Variants in UBE2L3 observed in about 807,000 individuals in gnomAD.
The protein encoded by UBE2L3 is ubiquitin-conjugating enzyme E2 L3.
Under a neutral mutation model 17.8 loss-of-function variants are expected in UBE2L3, and 1 was observed. That is an observed-to-expected ratio of 0.06 (90% confidence interval 0.02 to 0.27). UBE2L3 has a LOEUF of 0.27. UBE2L3 is among the 10% of genes least tolerant of loss of function. The probability of loss-of-function intolerance (pLI) is 1.00; values close to 1 mark genes in which losing one functional copy is unlikely to be tolerated. For missense variants in UBE2L3, 40 were observed against 192.6 expected, an observed-to-expected ratio of 0.21 and a Z score of 4.69; for synonymous variants, 44 against 68.5, an observed-to-expected ratio of 0.64 and a Z score of 1.76.
At chr22:21,604,348 A>T (rs1181213784) in intron 2 of UBE2L3, among the ~76,000 whole-genome samples, 1 of 152,046 alleles carries the variant, frequency 6.6e-6, no homozygotes, top group African/African-American at 2.4e-5. Flanking sequence ...AAATACAAAA[A>T]ATTAGCCGGA....
chr22:21,610,816 T>G, intron 2 of UBE2L3, 41 bp from the exon 3 acceptor site: 1 of 1,528,958 alleles, frequency 6.5e-7, no homozygotes, highest in Non-Finnish European at 8.8e-7. Context: ...CATAGGTTTA[T>G]GAACCATGGT....
At chr22:21,608,902 GTTTTTTTTTT>G (rs1929321892) in intron 2 of UBE2L3, among the ~76,000 whole-genome samples, 1 of 146,206 alleles carries the variant, frequency 6.8e-6, no homozygotes, top group Admixed American at 6.9e-5. Context: ...GTTTTGTTTT[GTTTTTTTTTT>G]GAGACTCAGT....
chr22:21,562,070 G>C (rs926424929), intron 1 of UBE2L3, among the ~76,000 whole-genome samples: 10 of 151,882 alleles, frequency 6.6e-5, no homozygotes, highest in African/African-American at 2.4e-4. Context: ...CAGCTTCTGC[G>C]AGGCCCCTCC....
chr22:21,610,391 A>C (rs372089194), intron 2 of UBE2L3, among the ~76,000 whole-genome samples: 3 of 152,232 alleles, frequency 2.0e-5, no homozygotes, highest in African/African-American at 4.8e-5. Flanking sequence ...AAACCTATAG[A>C]ATGTGCAACA....
Position 21,623,681 on chromosome 22 carries a change from C to T in UBE2L3, c.*2012C>T, listed in dbSNP as rs1218053467. On this transcript the variant is annotated 3_prime_UTR_variant, in exon 4 of 4. Coordinates refer to ENST00000342192, the MANE Select transcript of UBE2L3 (RefSeq NM_003347.4). ...GGACTCTCAGCCCTGGCACTGGCACCCCAGGGTTGGCCCCGTCAGCAGAGG... is the reference window on the plus strand; with the variant it reads ...GGACTCTCAGCCCTGGCACTGGCACTCCAGGGTTGGCCCCGTCAGCAGAGG... 6.5e-6 allele frequency: 1 copy of T among 152,934 alleles called. No homozygotes were observed. The highest frequency in any genetic ancestry group is 6.5e-5 in the Admixed American group (1 of 15,292). 9.5% of individuals were successfully genotyped at this position (152,934 alleles called of 1,614,324 possible). A position where few individuals can be genotyped will look rare whatever the true frequency, so the allele number is the denominator to read the frequency against.
At chr22:21,618,582 T>A (rs79791452) in intron 3 of UBE2L3, among the ~76,000 whole-genome samples, 4,240 of 150,558 alleles carry the variant, frequency 0.028, 204 homozygotes, top group African/African-American at 0.096. Context: ...TCTCAAAAAA[T>A]ATATATATAT....
intron 1 of UBE2L3, among the ~76,000 whole-genome samples, chr22:21,552,891 T>A (rs1220642555): frequency 8.4e-4 from 112 of 133,240 alleles, no homozygotes; most frequent in African/African-American, 3.3e-3. Flanking sequence ...GCCTGGCTAA[T>A]TTTTTTTGTA....
intron 1 of UBE2L3, among the ~76,000 whole-genome samples, chr22:21,583,013 A>G (rs552828526): frequency 7.2e-5 from 11 of 152,282 alleles, no homozygotes; most frequent in Admixed American, 1.3e-4. Context: ...GCCTCTCTGC[A>G]TAGGGGTATT....
At chr22:21,586,773 G>C (rs964995264) in intron 1 of UBE2L3, among the ~76,000 whole-genome samples, 1 of 151,132 alleles carries the variant, frequency 6.6e-6, no homozygotes, top group African/African-American at 2.4e-5. Flanking sequence ...TTACCATGTC[G>C]GCCAGGCTGC....
At chr22:21,569,721 A>G (rs919615818) in intron 1 of UBE2L3, among the ~76,000 whole-genome samples, 5 of 152,116 alleles carry the variant, frequency 3.3e-5, no homozygotes, top group African/African-American at 1.2e-4. Flanking sequence ...ACCTAATCAC[A>G]GTAGCTACTA....
intron 1 of UBE2L3, among the ~76,000 whole-genome samples, chr22:21,551,992 T>TACACACACACAC (rs750566572): frequency 1.0e-5 from 1 of 99,770 alleles, no homozygotes; most frequent in African/African-American, 4.6e-5. Flanking sequence ...ACTGAAGAAA[T>TACACACACACAC]ACACACACAC....
At chr22:21,601,757 G>A (rs1253005996) in intron 2 of UBE2L3, among the ~76,000 whole-genome samples, 1 of 151,500 alleles carries the variant, frequency 6.6e-6, no homozygotes, top group Non-Finnish European at 1.5e-5. Context: ...GGGTCACGAG[G>A]TCAGGAGATC....
chr22:21,593,270 C>A (rs1431431227), intron 2 of UBE2L3, among the ~76,000 whole-genome samples: 1 of 152,146 alleles, frequency 6.6e-6, no homozygotes, highest in Non-Finnish European at 1.5e-5. Flanking sequence ...ATCAGCAGGA[C>A]CTTCTTCTCT....
chr22:21,568,226 C>T (rs1307556471), intron 1 of UBE2L3: 7 of 988,948 alleles, frequency 7.1e-6, no homozygotes, highest in Non-Finnish European at 8.4e-6. Context: ...CTCCGCTTGG[C>T]CCGGCCGCAG....
chr22:21,601,175 AAATC>A (rs764614092), intron 2 of UBE2L3, among the ~76,000 whole-genome samples: 25 of 152,228 alleles, frequency 1.6e-4, no homozygotes, highest in East Asian at 1.6e-3. Flanking sequence ...TTTCAAAGAA[AAATC>A]AATCAATCAA....
upstream of UBE2L3, among the ~76,000 whole-genome samples, chr22:21,566,012 G>A (rs1487085805): frequency 2.9e-5 from 4 of 137,734 alleles, no homozygotes; most frequent in East Asian, 2.2e-4. Flanking sequence ...TCACTCTGTC[G>A]CCCAGGCTGG....
intron 2 of UBE2L3, among the ~76,000 whole-genome samples, chr22:21,605,853 G>T (rs1301367682): frequency 3.3e-5 from 5 of 151,818 alleles, no homozygotes; most frequent in Non-Finnish European, 5.9e-5. Flanking sequence ...ACCCAGGCTA[G>T]AGTGTAGAGG....
At chr22:21,566,278 G>A (rs1926632690), upstream of UBE2L3, among the ~76,000 whole-genome samples, 1 of 150,210 alleles carries the variant, frequency 6.7e-6, no homozygotes, top group Non-Finnish European at 1.5e-5. Flanking sequence ...AAGCCCCAAA[G>A]TACTCTTTAA....
At position 21,590,487 on chromosome 22, in the gene UBE2L3, C is replaced by T. The variant is rs145870304; in HGVS notation, c.28-2374C>T. Among the ~76,000 whole-genome samples the T allele has an allele frequency of 6.2e-4, 94 of 152,346 alleles. 1 individual carries two copies. The highest frequency in any genetic ancestry group is 2.1e-3 in the African/African-American group (88 of 41,576). ...TGTTGGGATTACAGGCGTGAGCCAA[C>T]GCACTCAGCCATCACCCATACTTTA... On this transcript the variant is annotated intron_variant, in intron 1 of 3. Transcript: ENST00000342192.
Sources: allele counts gnomAD v4.1 joint callset (sites outside exome capture counted in the v4.1 genomes callset), GRCh38; gene constraint gnomAD v4.1.1; transcripts MANE v1.5; gene names NCBI Gene and HGNC (gene_info 2026-07-23, HGNC 2026-07-21).